THSD7B: variants seen among roughly 807,000 people sequenced by gnomAD.
The protein encoded by THSD7B is thrombospondin type 1 domain containing 7B, also known as thrombospondin type-1 domain-containing protein 7B.
THSD7B carries 138 observed loss-of-function variants against 213.6 expected under a neutral mutation model. The ratio of observed to expected loss-of-function variants is 0.65; its 90% CI spans 0.56 to 0.74. THSD7B has a LOEUF of 0.74. THSD7B is among the 30% of genes least tolerant of loss of function. The pLI is 0.00. For synonymous variants in THSD7B, 742 were observed against 687.0 expected, an observed-to-expected ratio of 1.08 and a Z score of -1.25; for missense variants, 1,931 against 1,991.5, an observed-to-expected ratio of 0.97 and a Z score of 0.58.
At chr2:137,090,463 C>T (rs944457907) in intron 3 of THSD7B, among the ~76,000 whole-genome samples, 9 of 151,892 alleles carry the variant, frequency 5.9e-5, no homozygotes, top group South Asian at 2.1e-4. Flanking sequence ...GGTAGTTTAC[C>T]GCTGATTTTT....
At chr2:137,391,513 C>T (rs1359992649) in intron 12 of THSD7B, among the ~76,000 whole-genome samples, 4 of 151,978 alleles carry the variant, frequency 2.6e-5, no homozygotes, top group African/African-American at 9.7e-5. Context: ...CATAGTGAAG[C>T]CCTCTCTCTA....
intron 25 of THSD7B, among the ~76,000 whole-genome samples, chr2:137,660,505 A>T (rs1683321886): frequency 6.6e-6 from 1 of 152,194 alleles, no homozygotes; most frequent in Non-Finnish European, 1.5e-5. Flanking sequence ...CACAGAAAAG[A>T]CAGTGGGTCA....
At chr2:137,521,335 G>C (rs921765541) in intron 15 of THSD7B, among the ~76,000 whole-genome samples, 3 of 152,042 alleles carry the variant, frequency 2.0e-5, no homozygotes, top group Non-Finnish European at 4.4e-5. Context: ...GGGGAGGGGG[G>C]GCTGTGACTA....
chr2:137,417,051 A>C (rs762912966), intron 14 of THSD7B, among the ~76,000 whole-genome samples: 2 of 152,210 alleles, frequency 1.3e-5, no homozygotes, highest in South Asian at 4.1e-4. Context: ...TATCATCCAC[A>C]TGTAATTTAG....
At chr2:137,290,061 A>T (rs921301816) in intron 12 of THSD7B, among the ~76,000 whole-genome samples, 1 of 151,174 alleles carries the variant, frequency 6.6e-6, no homozygotes, top group Non-Finnish European at 1.5e-5. Context: ...GTTACGCATG[A>T]TCTTCTCATT....
intron 12 of THSD7B, among the ~76,000 whole-genome samples, chr2:137,325,201 G>T (rs1337751921): frequency 1.2e-4 from 9 of 77,302 alleles, no homozygotes; most frequent in African/African-American, 4.3e-4. Flanking sequence ...TTAAGCTTCT[G>T]GTCACAGACA....
intron 20 of THSD7B, among the ~76,000 whole-genome samples, chr2:137,631,444 T>C (rs1476415850): frequency 3.9e-5 from 6 of 152,224 alleles, no homozygotes. Flanking sequence ...CATATGAGTT[T>C]ATAATATTTT....
At position 136,925,558 on chromosome 2, in the gene THSD7B, G is replaced by A. The variant is rs576447709; in HGVS notation, c.139+43241G>A. Among the ~76,000 whole-genome samples the A allele has an allele frequency of 5.3e-5, 8 of 152,190 alleles. No homozygotes were observed. The South Asian group carries it at 1.5e-3, about 28-fold the overall frequency. ...TGGTGTATAATTCTTTTAATGTGCT[G>A]TTGAATTTGGTTTACTAATAATTTG... On this transcript the variant is annotated intron_variant, in intron 2 of 27. Coordinates refer to ENST00000409968, the MANE Select transcript of THSD7B (RefSeq NM_001316349.2).
At chr2:137,546,415 T>TATAA (rs1558834318) in intron 15 of THSD7B, among the ~76,000 whole-genome samples, 9 of 25,518 alleles carry the variant, frequency 3.5e-4, no homozygotes, top group African/African-American at 2.2e-3. Flanking sequence ...TATATATATA[T>TATAA]TATATATATT....
intron 14 of THSD7B, among the ~76,000 whole-genome samples, chr2:137,430,808 C>A (rs1687163054): frequency 6.6e-6 from 1 of 152,110 alleles, no homozygotes; most frequent in South Asian, 2.1e-4. Flanking sequence ...GACAAGTCAG[C>A]AACCATAGGG....
chr2:137,294,073 A>G (rs1683399444), intron 12 of THSD7B, among the ~76,000 whole-genome samples: 1 of 152,106 alleles, frequency 6.6e-6, no homozygotes, highest in South Asian at 2.1e-4. Flanking sequence ...AGGGCTTTCA[A>G]TAAACAGTTC....
At chr2:136,994,281 A>G (rs967728473) in intron 2 of THSD7B, among the ~76,000 whole-genome samples, 1 of 152,198 alleles carries the variant, frequency 6.6e-6, no homozygotes, top group Non-Finnish European at 1.5e-5. Flanking sequence ...AAGAAAGCCT[A>G]TAGGGCCGGG....
intron 12 of THSD7B, among the ~76,000 whole-genome samples, chr2:137,329,581 G>T (rs1053032251): frequency 6.6e-6 from 1 of 152,140 alleles, no homozygotes; most frequent in African/African-American, 2.4e-5. Flanking sequence ...TGGCCAGGCT[G>T]ATCTTGATCT....
At chr2:137,552,689 T>C (rs1268089096) in intron 15 of THSD7B, among the ~76,000 whole-genome samples, 1 of 152,202 alleles carries the variant, frequency 6.6e-6, no homozygotes, top group Non-Finnish European at 1.5e-5. Flanking sequence ...CATTACATTG[T>C]ACACAAACAG....
At chr2:136,892,304 C>A (rs1232428656) in intron 2 of THSD7B, among the ~76,000 whole-genome samples, 1 of 152,108 alleles carries the variant, frequency 6.6e-6, no homozygotes, top group African/African-American at 2.4e-5. Context: ...GCTGCCATGA[C>A]CCATCACTTC....
At chr2:136,915,872 A>G (rs929995480) in intron 2 of THSD7B, among the ~76,000 whole-genome samples, 2 of 152,230 alleles carry the variant, frequency 1.3e-5, no homozygotes, top group East Asian at 3.8e-4. Context: ...TATCTTCTCA[A>G]CCTGACAGTA....
In THSD7B at chr2:137,663,553, G is replaced by A; in HGVS notation, c.4629G>A (p.Trp1543Ter). 6.2e-7 allele frequency: 1 copy of A among 1,608,246 alleles called. No homozygotes were observed. The highest frequency in any genetic ancestry group is 8.5e-7 in the Non-Finnish European group (1 of 1,177,030). The stretch of plus-strand genomic sequence containing the variant: ...AAATACATGATATTTTTAAAGGATG[G>A]TCTCTTCAACCACTTGATCCAGGTG... ...NSKIHDIFKG[W>*]SLQPLDPDGR... The change falls in exon 26 of 28, where the codon TGG becomes TGA. Residue 1543 changes from tryptophan (W) to a stop codon, truncating the protein, a stop_gained. Transcript: ENST00000409968. LOFTEE classifies it high-confidence loss of function.
At chr2:137,048,070 C>A (rs1687000946) in intron 2 of THSD7B, among the ~76,000 whole-genome samples, 1 of 152,008 alleles carries the variant, frequency 6.6e-6, no homozygotes, top group South Asian at 2.1e-4. Flanking sequence ...CCCCCCACCC[C>A]CCAACAGGCC....
chr2:136,919,605 A>G (rs760773754), intron 2 of THSD7B, among the ~76,000 whole-genome samples: 17 of 152,226 alleles, frequency 1.1e-4, no homozygotes, highest in Non-Finnish European at 1.9e-4. Flanking sequence ...TCTCTGTCAC[A>G]GGATATTTGG....
Sources: gnomAD v4.1 joint callset for allele counts (sites outside exome capture counted in the v4.1 genomes callset) on GRCh38, gnomAD v4.1.1 for gene constraint, MANE v1.5 for transcripts, NCBI Gene and HGNC (gene_info 2026-07-23, HGNC 2026-07-21) for gene names.